The following LUZP2 variants were observed in gnomAD, a reference collection of about 807,000 sequenced individuals.
The protein encoded by LUZP2 is leucine zipper protein 2.
LUZP2 carries 52 observed loss-of-function variants against 51.6 expected under a neutral mutation model. The observed-to-expected ratio is 1.01, with a 90% CI of 0.81 to 1.27. LUZP2 has a LOEUF of 1.27. Among genes scored for constraint, LUZP2 ranks in the 50% most tolerant of loss-of-function variants. The probability of loss-of-function intolerance (pLI) is 0.00; values close to 1 mark genes in which losing one functional copy is unlikely to be tolerated. For missense variants in LUZP2, 436 were observed against 395.4 expected (o/e 1.10, Z -0.87); for synonymous variants, 154 against 137.3 (o/e 1.12, Z -0.85).
intron 5 of LUZP2, among the ~76,000 whole-genome samples, chr11:24,812,237 A>G (rs1011662543): frequency 2.0e-5 from 3 of 152,114 alleles, no homozygotes; most frequent in Non-Finnish European, 1.5e-5. Context: ...TTTCATCCAT[A>G]TTTCTATGAA....
chr11:24,773,728 C>T (rs1369645569), intron 5 of LUZP2, among the ~76,000 whole-genome samples: 1 of 152,102 alleles, frequency 6.6e-6, no homozygotes, highest in African/African-American at 2.4e-5. Flanking sequence ...CATTTAAAAT[C>T]TCCACCTAGG....
intron 5 of LUZP2, among the ~76,000 whole-genome samples, chr11:24,787,310 A>T (rs1421972317): frequency 6.6e-6 from 1 of 152,160 alleles, no homozygotes; most frequent in Non-Finnish European, 1.5e-5. Flanking sequence ...TAAGTTCAAA[A>T]ATTTGGGGCA....
intron 7 of LUZP2, among the ~76,000 whole-genome samples, chr11:24,917,985 T>C (rs1385705372): frequency 6.6e-6 from 1 of 152,120 alleles, no homozygotes; most frequent in Non-Finnish European, 1.5e-5. Flanking sequence ...TGTTCTTCCA[T>C]TTGTTTGTGT....
At chr11:24,877,473 G>A (rs1852309777) in intron 5 of LUZP2, among the ~76,000 whole-genome samples, 2 of 151,960 alleles carry the variant, frequency 1.3e-5, no homozygotes, top group Non-Finnish European at 1.5e-5. Flanking sequence ...TGGGTACATA[G>A]TAAGTATATA....
intron 1 of LUZP2, among the ~76,000 whole-genome samples, chr11:24,675,105 T>C (rs191997308): frequency 1.4e-4 from 21 of 152,334 alleles, no homozygotes; most frequent in African/African-American, 5.1e-4. Flanking sequence ...ACAGTAGATG[T>C]GACGTTGAAG....
intron 7 of LUZP2, among the ~76,000 whole-genome samples, chr11:24,965,315 G>C (rs1011902998): frequency 4.0e-5 from 6 of 149,256 alleles, no homozygotes; most frequent in African/African-American, 1.5e-4. Context: ...ATTTTAAAGA[G>C]ATAGTTTTCT....
At chr11:24,915,311 T>C (rs1853756658) in intron 7 of LUZP2, among the ~76,000 whole-genome samples, 1 of 152,046 alleles carries the variant, frequency 6.6e-6, no homozygotes. Flanking sequence ...TCTACATCAC[T>C]CCATATAACA....
At chr11:24,712,976 A>G (rs184120514) in intron 1 of LUZP2, among the ~76,000 whole-genome samples, 1 of 152,326 alleles carries the variant, frequency 6.6e-6, no homozygotes. Context: ...ATCTTTGACT[A>G]CGTATGTGAG....
intron 5 of LUZP2, among the ~76,000 whole-genome samples, chr11:24,903,944 A>G (rs1214111871): frequency 1.3e-5 from 2 of 152,182 alleles, no homozygotes; most frequent in Admixed American, 6.6e-5. Flanking sequence ...GGCTTCTGAG[A>G]ATCAAGGAGT....
chr11:24,951,273 A>G (rs1437136908), intron 7 of LUZP2, among the ~76,000 whole-genome samples: 2 of 151,580 alleles, frequency 1.3e-5, no homozygotes, highest in Non-Finnish European at 3.0e-5. Flanking sequence ...TCCTTGTTAA[A>G]TGATTATAAA....
intron 1 of LUZP2, among the ~76,000 whole-genome samples, chr11:24,704,440 A>G (rs2133916841): frequency 7.0e-6 from 1 of 142,192 alleles, no homozygotes; most frequent in African/African-American, 2.6e-5. Context: ...AATATACTAA[A>G]TCAGAAAAAA....
chr11:24,841,780 AACTCCCTGCCAAAAGGGTCTGT>A (rs1385045700), intron 5 of LUZP2, among the ~76,000 whole-genome samples: 2 of 152,130 alleles, frequency 1.3e-5, no homozygotes, highest in Non-Finnish European at 2.9e-5. Context: ...TGCTAAATTT[AACTCCCTGCCAAAAGGGTCTGT>A]ACTCACGGTG....
In LUZP2 at chr11:24,497,136, A is replaced by G; in HGVS notation, c.-108A>G. ...CCCGTCTCCGCCTTTCCGCCTCGGA[A>G]GAGCGCTCATCACTGGCTGGGGACA... is the stretch of plus-strand genomic sequence containing the variant. On this transcript the variant is annotated 5_prime_UTR_variant, in exon 1 of 12. Transcript: ENST00000336930. 2 of 1,000,736 alleles carry G rather than the reference A, an allele frequency of 2.0e-6. No individual in the cohort carries two copies. The highest frequency in any genetic ancestry group is 2.4e-5 in the South Asian group (1 of 41,546). The allele number at this position is 1,000,736 out of a possible 1,614,324, so 62.0% of individuals were successfully genotyped here.
chr11:24,600,533 G>A (rs1266378973), intron 1 of LUZP2, among the ~76,000 whole-genome samples: 1 of 152,098 alleles, frequency 6.6e-6, no homozygotes, highest in African/African-American at 2.4e-5. Context: ...TTCATAGAGA[G>A]GAAAGCTTGT....
intron 5 of LUZP2, among the ~76,000 whole-genome samples, chr11:24,846,997 ACT>A (rs1162175188): frequency 6.6e-6 from 1 of 151,530 alleles, no homozygotes; most frequent in Non-Finnish European, 1.5e-5. Context: ...CGTGTACAAC[ACT>A]CTCTCCATAT....
intron 4 of LUZP2, among the ~76,000 whole-genome samples, chr11:24,760,723 C>T (rs1186908656): frequency 6.6e-6 from 1 of 152,086 alleles, no homozygotes; most frequent in Non-Finnish European, 1.5e-5. Flanking sequence ...AAGCCAAGCC[C>T]AGGAGTCAGA....
intron 1 of LUZP2, among the ~76,000 whole-genome samples, chr11:24,594,926 AT>A (rs1190548275): frequency 6.6e-6 from 1 of 151,058 alleles, no homozygotes; most frequent in East Asian, 2.0e-4. Context: ...TGCCCGGCTA[AT>A]TTTTTTGTAT....
intron 8 of LUZP2, among the ~76,000 whole-genome samples, chr11:24,980,373 T>C (rs1367809885): frequency 6.6e-6 from 1 of 151,812 alleles, no homozygotes; most frequent in Non-Finnish European, 1.5e-5. Context: ...AGAAATACTT[T>C]CTTATAAAAT....
intron 6 of LUZP2, 135 bp from the exon 7 acceptor site, chr11:24,914,341 G>A: frequency 1.5e-6 from 1 of 657,156 alleles, no homozygotes; most frequent in Non-Finnish European, 2.7e-6. Flanking sequence ...AAGGGTTTCT[G>A]CTTTACTTCT....
Sources: gnomAD v4.1 joint callset for allele counts (sites outside exome capture counted in the v4.1 genomes callset) on GRCh38, gnomAD v4.1.1 for gene constraint, MANE v1.5 for transcripts, NCBI Gene and HGNC (gene_info 2026-07-23, HGNC 2026-07-21) for gene names.